Variants in ANKS1B observed in about 807,000 individuals in gnomAD.
ANKS1B encodes the protein ankyrin repeat and sterile alpha motif domain containing 1B.
A neutral mutation model predicts 148.3 loss-of-function variants in ANKS1B; 36 were observed. The observed-to-expected ratio is 0.24, with a 90% CI of 0.19 to 0.32. ANKS1B has a LOEUF of 0.32. Among genes scored for constraint, ANKS1B ranks in the 10% least tolerant of loss-of-function variants. The pLI is 1.00. For synonymous variants in ANKS1B, 542 were observed against 560.8 expected (o/e 0.97, Z 0.47); for missense variants, 1,157 against 1,542.6 (o/e 0.75, Z 4.19).
In ANKS1B at chr12:99,014,454, T is replaced by C. The variant is rs375087388; in HGVS notation, c.2778+38703A>G. ...AACCTAGGCAATACCATTCAGGACA[T>C]AGGCATGGGCAAAGATTTCATGATG... On this transcript the variant is annotated intron_variant, in intron 17 of 26. Coordinates refer to ENST00000683438, the MANE Select transcript of ANKS1B (RefSeq NM_001352186.2). Among the ~76,000 whole-genome samples the C allele has an allele frequency of 7.7e-4, 117 of 152,236 alleles. 1 individual carries two copies. Among genetic ancestry groups the C allele is most frequent in the African/African-American group, 2.8e-3 (115 of 41,554 alleles).
At chr12:99,201,921 C>CTTCA (rs150033450) in intron 14 of ANKS1B, among the ~76,000 whole-genome samples, 12,271 of 151,164 alleles carry the variant, frequency 0.081, 1,456 homozygotes, top group African/African-American at 0.26. Flanking sequence ...TAATATTTGA[C>CTTCA]TTCATTCATT....
chr12:99,567,602 G>T (rs2097409482), intron 9 of ANKS1B, among the ~76,000 whole-genome samples: 1 of 152,126 alleles, frequency 6.6e-6, no homozygotes, highest in African/African-American at 2.4e-5. Context: ...AGAAAAGTGG[G>T]TAAGAAAAGG....
At chr12:99,333,003 T>A (rs2087896707) in intron 12 of ANKS1B, among the ~76,000 whole-genome samples, 1 of 151,976 alleles carries the variant, frequency 6.6e-6, no homozygotes, top group Admixed American at 6.6e-5. Flanking sequence ...CAATAAGAAG[T>A]CACTGAAGGT....
intron 8 of ANKS1B, among the ~76,000 whole-genome samples, chr12:99,718,111 G>A (rs1467937497): frequency 5.3e-5 from 8 of 151,706 alleles, no homozygotes; most frequent in African/African-American, 1.9e-4. Flanking sequence ...CACCATGTTA[G>A]CCAGGATGGT....
At chr12:99,929,494 T>C (rs533026640) in intron 1 of ANKS1B, among the ~76,000 whole-genome samples, 30 of 152,224 alleles carry the variant, frequency 2.0e-4, no homozygotes, top group Non-Finnish European at 4.0e-4. Context: ...AGAAGCTTTT[T>C]AGTTTAATTA....
chr12:99,453,019 A>G (rs11109847), intron 10 of ANKS1B, among the ~76,000 whole-genome samples: 27,829 of 152,116 alleles, frequency 0.18, 2,758 homozygotes, highest in Middle Eastern at 0.24. Flanking sequence ...GGCCGGGCAC[A>G]GTGGCTCACG....
intron 17 of ANKS1B, among the ~76,000 whole-genome samples, chr12:98,941,559 T>C (rs1168602530): frequency 6.6e-6 from 1 of 152,154 alleles, no homozygotes; most frequent in Non-Finnish European, 1.5e-5. Context: ...TGAGTATTGA[T>C]TTGCGGTTAC....
chr12:99,601,000 G>T (rs1465431838), intron 9 of ANKS1B, among the ~76,000 whole-genome samples: 3 of 151,962 alleles, frequency 2.0e-5, no homozygotes, highest in Non-Finnish European at 4.4e-5. Context: ...ATAGAAATTT[G>T]CTGGGACCAT....
rs562843256 is a variant in ANKS1B, at chr12:99,665,238, C to T, written c.1129-10028G>A. On this transcript the variant is annotated intron_variant, in intron 8 of 26. Coordinates refer to ENST00000683438, the MANE Select transcript of ANKS1B (RefSeq NM_001352186.2). ...CATTTTACATTCCCATTCATTGTGT[C>T]GGAGAGTTTCGGTAGCTCCACATTC... Among the ~76,000 whole-genome samples, 3 of 152,226 alleles carry T rather than the reference C, an allele frequency of 2.0e-5. No individual in the cohort carries two copies. In the East Asian group the frequency reaches 5.8e-4, roughly 29 times the overall value.
At chr12:99,524,725 A>G (rs1442523679) in intron 9 of ANKS1B, among the ~76,000 whole-genome samples, 1 of 152,234 alleles carries the variant, frequency 6.6e-6, no homozygotes, top group Non-Finnish European at 1.5e-5. Flanking sequence ...GACGTCTTAC[A>G]TGGCAGCAGG....
intron 20 of ANKS1B, among the ~76,000 whole-genome samples, chr12:98,803,291 G>A (rs565891592): frequency 6.6e-6 from 1 of 152,038 alleles, no homozygotes; most frequent in Non-Finnish European, 1.5e-5. Context: ...TTAAAATTCT[G>A]GAAACATGCA....
rs141881279 is a variant in ANKS1B at position 98,957,844 on chromosome 12, C to A, written c.2778+95313G>T. ...CTTTTAAAGCCATCCCTTAATGCTA[C>A]CACTGTACAGAAAGATGGCAGAGTG... On this transcript the variant is annotated intron_variant, in intron 17 of 26. Transcript: ENST00000683438. Among the ~76,000 whole-genome samples the A allele has an allele frequency of 3.9e-3, 601 of 152,226 alleles. 2 individuals are homozygous for A. Among genetic ancestry groups the A allele is most frequent in the Middle Eastern group, 0.01 (3 of 294 alleles).
intron 17 of ANKS1B, among the ~76,000 whole-genome samples, chr12:98,962,152 A>C (rs1472311336): frequency 6.6e-6 from 1 of 151,826 alleles, no homozygotes; most frequent in Non-Finnish European, 1.5e-5. Flanking sequence ...GATAAAAAAA[A>C]AAAACAAGAT....
chr12:99,973,377 C>T (rs745812476), intron 1 of ANKS1B, among the ~76,000 whole-genome samples: 6 of 152,286 alleles, frequency 3.9e-5, no homozygotes, highest in Non-Finnish European at 8.8e-5. Context: ...CCCAGAAGTT[C>T]AAGACCAGTC....
chr12:98,937,717 T>C (rs1021996791), intron 17 of ANKS1B, among the ~76,000 whole-genome samples: 1 of 152,270 alleles, frequency 6.6e-6, no homozygotes, highest in Middle Eastern at 3.4e-3. Context: ...TTTCATTTAC[T>C]AGTCTGTAGA....
chr12:99,046,044 G>A (rs998014733), intron 17 of ANKS1B, among the ~76,000 whole-genome samples: 3 of 152,170 alleles, frequency 2.0e-5, no homozygotes, highest in Non-Finnish European at 4.4e-5. Context: ...AGTTCAAACT[G>A]GACTGGTAAA....
At chr12:99,133,781 C>T (rs1566323535) in intron 15 of ANKS1B, among the ~76,000 whole-genome samples, 2 of 152,208 alleles carry the variant, frequency 1.3e-5, no homozygotes, top group Non-Finnish European at 2.9e-5. Flanking sequence ...TGCAGAGGCT[C>T]TACTTCATGC....
At chr12:98,921,923 T>C (rs2099801930) in intron 17 of ANKS1B, among the ~76,000 whole-genome samples, 1 of 152,122 alleles carries the variant, frequency 6.6e-6, no homozygotes. Flanking sequence ...GAATGGATCA[T>C]AAAAGAAAAA....
chr12:99,608,313 C>T (rs184927870), intron 9 of ANKS1B, among the ~76,000 whole-genome samples: 76 of 152,096 alleles, frequency 5.0e-4, no homozygotes, highest in African/African-American at 2.4e-5. Context: ...GCTTTGGCTC[C>T]GAAATTCCTT....
Sources: gnomAD v4.1 joint callset for allele counts (sites outside exome capture counted in the v4.1 genomes callset) on GRCh38, gnomAD v4.1.1 for gene constraint, MANE v1.5 for transcripts, NCBI Gene and HGNC (gene_info 2026-07-23, HGNC 2026-07-21) for gene names.